CTTNBP2: variants seen among roughly 807,000 people sequenced by gnomAD.
CTTNBP2 encodes the protein cortactin binding protein 2, also known as cortactin-binding protein 2.
In CTTNBP2, 108 loss-of-function variants were observed where a neutral mutation model predicts 156.9. The observed-to-expected ratio is 0.69, with a 90% CI of 0.59 to 0.81. CTTNBP2 has a LOEUF of 0.81. Ranked by LOEUF, CTTNBP2 falls within the 30% of genes least tolerant of loss-of-function variation. The probability of loss-of-function intolerance (pLI) is 0.00; values close to 1 mark genes in which losing one functional copy is unlikely to be tolerated. For missense variants in CTTNBP2, 1,924 were observed against 2,035.4 expected, an observed-to-expected ratio of 0.95 and a Z score of 1.05; for synonymous variants, 767 against 751.8, an observed-to-expected ratio of 1.02 and a Z score of -0.33.
At chr7:117,779,604 TATAA>T (rs1463022481) in intron 7 of CTTNBP2, among the ~76,000 whole-genome samples, 4 of 151,984 alleles carry the variant, frequency 2.6e-5, no homozygotes, top group African/African-American at 7.2e-5. Flanking sequence ...AAGTAATATA[TATAA>T]ATAACATGAA....
chr7:117,719,774 T>C (rs1441306910), intron 20 of CTTNBP2, 138 bp from the exon 21 acceptor site: 1 of 577,100 alleles, frequency 1.7e-6, no homozygotes, highest in Non-Finnish European at 2.8e-6. Context: ...TTCATAAATG[T>C]CATTTAATGC....
chr7:117,761,869 A>T (rs998844631), intron 9 of CTTNBP2, among the ~76,000 whole-genome samples: 1 of 152,226 alleles, frequency 6.6e-6, no homozygotes, highest in Non-Finnish European at 1.5e-5. Flanking sequence ...AATGTTTTAA[A>T]ACAACATGTG....
At chr7:117,845,795 C>G (rs981914300) in intron 2 of CTTNBP2, among the ~76,000 whole-genome samples, 1 of 152,168 alleles carries the variant, frequency 6.6e-6, no homozygotes, top group Non-Finnish European at 1.5e-5. Flanking sequence ...GTGATCTGTC[C>G]TGGTATTTTA....
chr7:117,802,437 CAAAAAAAAAA>C (rs759797673), intron 3 of CTTNBP2, among the ~76,000 whole-genome samples: 3 of 83,780 alleles, frequency 3.6e-5, no homozygotes, highest in South Asian at 4.6e-4. Context: ...TCAGCATTGG[CAAAAAAAAAA>C]AAAAAAAAAA....
At chr7:117,719,058 C>T (rs933051439) in intron 21 of CTTNBP2, among the ~76,000 whole-genome samples, 3 of 151,894 alleles carry the variant, frequency 2.0e-5, no homozygotes, top group Non-Finnish European at 4.4e-5. Context: ...ATTAGCCAGG[C>T]GTTGTGGGGG....
chr7:117,736,024 A>T (rs1795667309), intron 14 of CTTNBP2, among the ~76,000 whole-genome samples: 1 of 152,228 alleles, frequency 6.6e-6, no homozygotes, highest in Admixed American at 6.5e-5. Context: ...CAGTGGTTAC[A>T]TGGTTATTTT....
At chr7:117,812,575 A>G (rs938985276) in intron 2 of CTTNBP2, among the ~76,000 whole-genome samples, 4 of 152,192 alleles carry the variant, frequency 2.6e-5, no homozygotes, top group African/African-American at 9.7e-5. Context: ...TTTCACAATT[A>G]AATTTAAGCT....
intron 5 of CTTNBP2, among the ~76,000 whole-genome samples, 168 bp downstream of exon 5, chr7:117,784,083 T>C (rs1798569131): frequency 6.6e-6 from 1 of 152,242 alleles, no homozygotes; most frequent in Admixed American, 6.5e-5. Context: ...TTTGGATTTT[T>C]TAAATGTTTA....
intron 7 of CTTNBP2, among the ~76,000 whole-genome samples, chr7:117,778,464 G>C (rs1798227734): frequency 6.6e-6 from 1 of 152,190 alleles, no homozygotes; most frequent in African/African-American, 2.4e-5. Flanking sequence ...TGCTAGAGTA[G>C]AGGTATTAAT....
At chr7:117,847,676 T>C (rs191511872) in intron 2 of CTTNBP2, among the ~76,000 whole-genome samples, 2 of 152,348 alleles carry the variant, frequency 1.3e-5, no homozygotes, top group East Asian at 3.9e-4. Context: ...ACATAATTTG[T>C]GTTATGAGCA....
intron 12 of CTTNBP2, 149 bp from the exon 13 acceptor site, chr7:117,746,248 C>T: frequency 1.6e-6 from 1 of 616,482 alleles, no homozygotes; most frequent in Non-Finnish European, 2.9e-6. Context: ...TATCATTGGA[C>T]ACCTGTACTC....
intron 20 of CTTNBP2, 126 bp from the exon 21 acceptor site, chr7:117,719,762 A>G: frequency 7.8e-6 from 5 of 637,340 alleles, no homozygotes; most frequent in Non-Finnish European, 1.3e-5. Flanking sequence ...CCTTTAAAGT[A>G]TTTCATAAAT....
intron 2 of CTTNBP2, among the ~76,000 whole-genome samples, chr7:117,813,520 C>G (rs1584475153): frequency 6.6e-6 from 1 of 152,146 alleles, no homozygotes; most frequent in South Asian, 2.1e-4. Flanking sequence ...CCCTATTGAA[C>G]AGGACCTGAA....
At chr7:117,826,944 C>T (rs1801325459) in intron 2 of CTTNBP2, among the ~76,000 whole-genome samples, 1 of 151,334 alleles carries the variant, frequency 6.6e-6, no homozygotes, top group African/African-American at 2.4e-5. Context: ...TCACTGCAAC[C>T]TCCATCTCCC....
chr7:117,797,047 C>T (rs1233941599), intron 3 of CTTNBP2, among the ~76,000 whole-genome samples: 1 of 152,172 alleles, frequency 6.6e-6, no homozygotes, highest in Non-Finnish European at 1.5e-5. Flanking sequence ...ATGAGATTTG[C>T]CTTCATGTAG....
intron 2 of CTTNBP2, among the ~76,000 whole-genome samples, chr7:117,839,363 C>A (rs145609964): frequency 3.3e-5 from 5 of 152,294 alleles, no homozygotes; most frequent in Non-Finnish European, 5.9e-5. Context: ...TAACGTCACA[C>A]AGCCAATAAT....
chr7:117,760,592 T>C lies in CTTNBP2; in HGVS notation c.3015A>G (p.Ser1005=), dbSNP rs758488602. The part of the protein sequence containing the change: ...ICALNIRKQT[S]WDDFSKAVSQ... ...TCACTGCTTTTGAAAAATCATCCCATGATGTCTGTTTGCGGATATTTAAAG... is the reference window on the plus strand; with the variant it reads ...TCACTGCTTTTGAAAAATCATCCCACGATGTCTGTTTGCGGATATTTAAAG... Residue 1005 remains serine (S), a synonymous_variant, in exon 10 of 23, where the codon TCA becomes TCG. Transcript: ENST00000160373. 1.2e-6 allele frequency: 2 copies of C among 1,614,170 alleles called. No homozygotes were observed. Among genetic ancestry groups the C allele is most frequent in the South Asian group, 1.1e-5 (1 of 91,086 alleles).
chr7:117,817,361 A>ATAAATAAATATATATATATATATAT (rs1298639361), intron 2 of CTTNBP2, among the ~76,000 whole-genome samples: 8 of 53,310 alleles, frequency 1.5e-4, no homozygotes, highest in South Asian at 1.3e-3. Context: ...AAAAAAAAAA[A>ATAAATAAATATATATATATATATAT]ATATATATAT....
chr7:117,749,037 C>A (rs1162348154), intron 12 of CTTNBP2, among the ~76,000 whole-genome samples: 3 of 152,188 alleles, frequency 2.0e-5, no homozygotes, highest in African/African-American at 7.2e-5. Flanking sequence ...CACCCTGGAA[C>A]TGTGAGAAAT....
Sources: gnomAD v4.1 joint callset for allele counts (sites outside exome capture counted in the v4.1 genomes callset) on GRCh38, gnomAD v4.1.1 for gene constraint, MANE v1.5 for transcripts, NCBI Gene and HGNC (gene_info 2026-07-23, HGNC 2026-07-21) for gene names.